BIRC6: variants seen among roughly 807,000 people sequenced by gnomAD.
BIRC6 encodes dual E2 ubiquitin-conjugating enzyme/E3 ubiquitin-protein ligase BIRC6.
In BIRC6, 98 loss-of-function variants were observed where a neutral mutation model predicts 503.3. That is an observed-to-expected ratio of 0.19 (90% CI 0.17 to 0.23). The LOEUF is 0.23. Among genes scored for constraint, BIRC6 ranks in the 10% least tolerant of loss-of-function variants. The probability of loss-of-function intolerance (pLI) is 1.00; values close to 1 mark genes in which losing one functional copy is unlikely to be tolerated. For missense variants in BIRC6, 5,360 were observed against 5,806.0 expected, an observed-to-expected ratio of 0.92 and a Z score of 2.50; for synonymous variants, 2,240 against 2,078.7, an observed-to-expected ratio of 1.08 and a Z score of -2.11.
chr2:32,472,036 T>C (rs1347518894), intron 32 of BIRC6, among the ~76,000 whole-genome samples: 1 of 152,216 alleles, frequency 6.6e-6, no homozygotes, highest in Non-Finnish European at 1.5e-5. Flanking sequence ...TTGTAGGATA[T>C]AGAGGTAAGA....
At chr2:32,535,351 G>A (rs1007901795) in intron 61 of BIRC6, among the ~76,000 whole-genome samples, 6 of 151,938 alleles carry the variant, frequency 3.9e-5, no homozygotes, top group Non-Finnish European at 5.9e-5. Flanking sequence ...TGTGCACAAC[G>A]TGCAGGTTTG....
intron 35 of BIRC6, 109 bp from the exon 36 acceptor site, chr2:32,478,526 C>A: frequency 1.1e-6 from 1 of 902,628 alleles, no homozygotes; most frequent in Non-Finnish European, 1.6e-6. Flanking sequence ...ACTCATACAT[C>A]ATTGTTGAAA....
At chr2:32,365,898 T>G (rs1460772054) in intron 1 of BIRC6, among the ~76,000 whole-genome samples, 2 of 152,142 alleles carry the variant, frequency 1.3e-5, no homozygotes, top group Non-Finnish European at 2.9e-5. Context: ...TTTAATTTAT[T>G]TTTTGAGATG....
At position 32,464,568 on chromosome 2, in the gene BIRC6, A is replaced by G; in HGVS notation, c.5001A>G (p.Ser1667=). 6.2e-7 allele frequency: 1 copy of G among 1,608,952 alleles called. No homozygotes were observed. Among genetic ancestry groups the G allele is most frequent in the Non-Finnish European group, 8.5e-7 (1 of 1,177,108 alleles). Residue 1667 remains serine (S), a synonymous_variant, in exon 25 of 74, where the codon TCA becomes TCG. Coordinates refer to ENST00000421745, the MANE Select transcript of BIRC6 (RefSeq NM_016252.4). The part of the protein sequence containing the change: ...QTTAAAAAAA[S]AVGPVHNSVP... ...CAGCTGCAGCAGCTGCAGCAGCATC[A>G]GCAGTAGGTCCTGTTCACAACTCTG...
At chr2:32,578,711 A>C (rs1167390036) in intron 66 of BIRC6, among the ~76,000 whole-genome samples, 1 of 151,754 alleles carries the variant, frequency 6.6e-6, no homozygotes, top group Non-Finnish European at 1.5e-5. Context: ...CACGAGAATC[A>C]CTTGAGCCTG....
chr2:32,551,239 ATTAG>A (rs1428329437), intron 65 of BIRC6, among the ~76,000 whole-genome samples: 4 of 151,366 alleles, frequency 2.6e-5, no homozygotes, highest in African/African-American at 7.3e-5. Context: ...TAAATATATA[ATTAG>A]TTATCAGTTT....
At chr2:32,590,045 TTTAAA>T (rs1485612098) in intron 66 of BIRC6, among the ~76,000 whole-genome samples, 10 of 152,204 alleles carry the variant, frequency 6.6e-5, no homozygotes. Context: ...AAAACTAAGC[TTTAAA>T]TTAATCACAG....
Position 32,439,579 on chromosome 2 carries a change from A to G in BIRC6, c.3703A>G (p.Ile1235Val), listed in dbSNP as rs755787390. The G allele has an allele frequency of 1.9e-6, 3 of 1,613,880 alleles. No individual in the cohort carries two copies. Among genetic ancestry groups the G allele is most frequent in the East Asian group, 2.2e-5 (1 of 44,856 alleles). The change falls in exon 16 of 74, where the codon ATT becomes GTT. Residue 1235 changes from isoleucine to valine, a missense_variant. Physicochemically the swap from Ile to Val is conservative, Grantham distance 29 (BLOSUM62 3). Transcript: ENST00000421745. ...KAVNERGTEE[I>V]CNGGMRPVVR... ...AGTGAATGAAAGAGGAACAGAAGAG[A>G]TTTGTAATGGTGGTATGCGTCCTGT...
chr2:32,434,392 A>G (rs1035576606), intron 13 of BIRC6, among the ~76,000 whole-genome samples: 1 of 152,102 alleles, frequency 6.6e-6, no homozygotes, highest in African/African-American at 2.4e-5. Context: ...GAAACTTGAA[A>G]ATTTTCCTTT....
At chr2:32,535,958 C>T (rs1196130446) in intron 61 of BIRC6, among the ~76,000 whole-genome samples, 2 of 152,212 alleles carry the variant, frequency 1.3e-5, no homozygotes, top group African/African-American at 2.4e-5. Context: ...CACATCCTCT[C>T]CAGCACCTGT....
intron 9 of BIRC6, among the ~76,000 whole-genome samples, chr2:32,407,376 C>T (rs1255678209): frequency 1.4e-5 from 2 of 142,486 alleles, no homozygotes; most frequent in East Asian, 2.1e-4. Context: ...ACCCGGGAGG[C>T]GGAGATTGCA....
chr2:32,378,057 A>G (rs1255475756), intron 2 of BIRC6, among the ~76,000 whole-genome samples: 1 of 152,142 alleles, frequency 6.6e-6, no homozygotes, highest in Admixed American at 6.5e-5. Context: ...GCTTGTTTCC[A>G]ATAATAGTCC....
At chr2:32,466,843 G>C (rs1364813247) in intron 26 of BIRC6, among the ~76,000 whole-genome samples, 1 of 152,110 alleles carries the variant, frequency 6.6e-6, no homozygotes, top group Non-Finnish European at 1.5e-5. Context: ...CGGGTGGCTA[G>C]GTGCGGTGGC....
intron 9 of BIRC6, among the ~76,000 whole-genome samples, chr2:32,409,888 C>T (rs996356975): frequency 6.6e-6 from 1 of 152,232 alleles, no homozygotes; most frequent in East Asian, 1.9e-4. Flanking sequence ...TTCTGCAGGG[C>T]GTTTGTCAGT....
At chr2:32,491,051 A>C (rs1400112363) in intron 43 of BIRC6, among the ~76,000 whole-genome samples, 1 of 152,230 alleles carries the variant, frequency 6.6e-6, no homozygotes. Flanking sequence ...TTTTGCTACA[A>C]CTTATTTTAG....
chr2:32,546,597 A>T (rs962517660), intron 63 of BIRC6, among the ~76,000 whole-genome samples: 1 of 152,096 alleles, frequency 6.6e-6, no homozygotes, highest in Non-Finnish European at 1.5e-5. Context: ...AAAAAAAAAA[A>T]TACCAAAATA....
chr2:32,485,719 A>T lies in BIRC6; in HGVS notation c.7773A>T (p.Ala2591=). 6.2e-7 allele frequency: 1 copy of T among 1,613,676 alleles called. No homozygotes were observed. Among genetic ancestry groups the T allele is most frequent in the East Asian group, 2.2e-5 (1 of 44,868 alleles). Residue 2591 remains alanine, a synonymous_variant, in exon 40 of 74, where the codon GCA becomes GCT. Coordinates refer to ENST00000421745, the MANE Select transcript of BIRC6 (RefSeq NM_016252.4). Reference sequence around the variant, plus strand: ...TGAAAATGATGTCTACTCTGGAGGCAGATTCCATTTTACAGGCATTAACAA... The same window carrying T: ...TGAAAATGATGTCTACTCTGGAGGCTGATTCCATTTTACAGGCATTAACAA... ...LMLKMMSTLE[A]DSILQALTNT...
intron 23 of BIRC6, among the ~76,000 whole-genome samples, chr2:32,461,902 G>T (rs1199929158): frequency 6.6e-6 from 1 of 151,972 alleles, no homozygotes; most frequent in Non-Finnish European, 1.5e-5. Context: ...TTCTTGCCGA[G>T]ATTAAATAAG....
chr2:32,365,571 G>T (rs1192246274), intron 1 of BIRC6, among the ~76,000 whole-genome samples: 1 of 152,018 alleles, frequency 6.6e-6, no homozygotes, highest in East Asian at 1.9e-4. Context: ...CACTCGCCTC[G>T]GCCTCCCAAA....
Sources: gnomAD v4.1 joint callset for allele counts (sites outside exome capture counted in the v4.1 genomes callset) on GRCh38, gnomAD v4.1.1 for gene constraint, MANE v1.5 for transcripts, NCBI Gene and HGNC (gene_info 2026-07-23, HGNC 2026-07-21) for gene names.